MS4A10: variants seen among roughly 807,000 people sequenced by gnomAD.
MS4A10 encodes the protein membrane-spanning 4-domains subfamily A member 10.
MS4A10 carries 27 observed loss-of-function variants against 27.7 expected under a neutral mutation model. The ratio of observed to expected loss-of-function variants is 0.98; its 90% confidence interval spans 0.72 to 1.35. MS4A10 has a LOEUF of 1.35. Ranked by LOEUF, MS4A10 falls within the 40% of genes most tolerant of loss-of-function variation. The probability of loss-of-function intolerance (pLI) is 0.00; values close to 1 mark genes in which losing one functional copy is unlikely to be tolerated. For missense variants in MS4A10, 338 were observed against 324.7 expected (o/e 1.04, Z -0.32); for synonymous variants, 139 against 131.2 (o/e 1.06, Z -0.41).
chr11:60,788,502 C>A (rs1275237533), intron 1 of MS4A10, among the ~76,000 whole-genome samples: 1 of 152,216 alleles, frequency 6.6e-6, no homozygotes, highest in Non-Finnish European at 1.5e-5. Context: ...CTAGGTGAAG[C>A]CAGTGGCTAA....
chr11:60,794,586 G>T (rs556661077), intron 5 of MS4A10, among the ~76,000 whole-genome samples: 1 of 152,320 alleles, frequency 6.6e-6, no homozygotes, highest in South Asian at 2.1e-4. Context: ...CAAGCCTGGT[G>T]CTCTTTTCAC....
At chr11:60,787,215 G>A (rs1036797047) in intron 1 of MS4A10, among the ~76,000 whole-genome samples, 2 of 152,096 alleles carry the variant, frequency 1.3e-5, no homozygotes, top group Non-Finnish European at 2.9e-5. Flanking sequence ...GGCTGAGGGG[G>A]CTGGGGTTGG....
At chr11:60,792,742 C>G (rs183866127) in intron 4 of MS4A10, among the ~76,000 whole-genome samples, 1 of 152,294 alleles carries the variant, frequency 6.6e-6, no homozygotes, top group East Asian at 1.9e-4. Flanking sequence ...GTGGTCCTCC[C>G]TTTTCTGCCC....
intron 6 of MS4A10, among the ~76,000 whole-genome samples, chr11:60,797,590 T>G (rs1252790874): frequency 6.6e-6 from 1 of 152,146 alleles, no homozygotes; most frequent in Non-Finnish European, 1.5e-5. Flanking sequence ...TCTTCTACCT[T>G]TAAGGACCCT....
At chr11:60,794,258 G>A (rs1252742090) in intron 5 of MS4A10, among the ~76,000 whole-genome samples, 155 bp downstream of exon 5, 1 of 152,196 alleles carries the variant, frequency 6.6e-6, no homozygotes, top group Non-Finnish European at 1.5e-5. Context: ...CCTACAAGGT[G>A]TGGTGGAAAG....
rs144089314 is a variant in MS4A10 at position 60,790,390 on chromosome 11, T to C, written c.55T>C (p.Trp19Arg). 293 of 1,614,090 alleles carry C rather than the reference T, an allele frequency of 1.8e-4. No homozygotes were observed. In the African/African-American group the frequency reaches 3.2e-3, roughly 17 times the overall value. Residue 19 changes from tryptophan to arginine, a missense_variant, in exon 2 of 8, where the codon TGG becomes CGG. Physicochemically the swap from Trp to Arg is moderately radical, Grantham distance 101. Coordinates refer to ENST00000308287, the MANE Select transcript of MS4A10 (RefSeq NM_206893.4). The part of the protein sequence containing the change: ...PSRCARGLPS[W>R]QVLSPVQPWQ... ...CCGTTGTGCTAGGGGGCTCCCATCATGGCAAGTCCTCAGCCCAGTCCAGCC... is the reference window on the plus strand; with the variant it reads ...CCGTTGTGCTAGGGGGCTCCCATCACGGCAAGTCCTCAGCCCAGTCCAGCC...
chr11:60,790,218 T>A, intron 1 of MS4A10, 96 bp from the exon 2 acceptor site: 2 of 1,040,222 alleles, frequency 1.9e-6, no homozygotes, highest in Non-Finnish European at 1.4e-6. Flanking sequence ...TCTGGAAAGA[T>A]CTGGTCCCTT....
rs151216077 is a variant in MS4A10 at position 60,799,462 on chromosome 11, A to G, written c.723-366A>G. Reference sequence around the variant, plus strand: ...TTGTAGCAGCAAGATATAGGAAATCAGTATCTTTCCATAAACAGAAGCAAA... The same window carrying G: ...TTGTAGCAGCAAGATATAGGAAATCGGTATCTTTCCATAAACAGAAGCAAA... On this transcript the variant is annotated intron_variant, in intron 7 of 7. Coordinates refer to ENST00000308287, the MANE Select transcript of MS4A10 (RefSeq NM_206893.4). Among the ~76,000 whole-genome samples the G allele has an allele frequency of 5.1e-4, 77 of 152,322 alleles. No homozygotes were observed. The East Asian group carries it at 0.012, about 23-fold the overall frequency.
intron 7 of MS4A10, 67 bp from the exon 8 acceptor site, chr11:60,799,761 G>A: frequency 1.3e-6 from 1 of 782,782 alleles, no homozygotes. Context: ...TAATCTCAAT[G>A]TCATTTAATC....
intron 1 of MS4A10, among the ~76,000 whole-genome samples, chr11:60,787,314 C>T (rs1854356665): frequency 1.3e-5 from 2 of 152,154 alleles, no homozygotes; most frequent in Admixed American, 6.5e-5. Context: ...TCCTAGCAGC[C>T]CTGCACAGGT....
rs186004087 is a variant in MS4A10 at position 60,792,960 on chromosome 11, G to A, written c.360+639G>A. On this transcript the variant is annotated intron_variant, in intron 4 of 7. Coordinates refer to ENST00000308287, the MANE Select transcript of MS4A10 (RefSeq NM_206893.4). ...AATTATTTCTGGGCAGAATGTGCCC[G>A]AGCATAGTGATAGCCCAAGGTGGCC... 6.2e-4 allele frequency among the ~76,000 whole-genome samples: 94 copies of A among 152,290 alleles called. 1 individual carries two copies. In the East Asian group the frequency reaches 9.3e-3, roughly 15 times the overall value.
chr11:60,797,037 G>T (rs1854544480), intron 6 of MS4A10, among the ~76,000 whole-genome samples: 1 of 152,034 alleles, frequency 6.6e-6, no homozygotes, highest in Non-Finnish European at 1.5e-5. Flanking sequence ...TTCACATAAT[G>T]CATATATAAG....
chr11:60,794,238 G>A (rs568731304), intron 5 of MS4A10, 135 bp downstream of exon 5: 1 of 985,602 alleles, frequency 1.0e-6, no homozygotes, highest in Admixed American at 2.4e-5. Context: ...TTGCCAACCT[G>A]TTTCTGTCCC....
rs140246473 is a variant in MS4A10 at position 60,791,010 on chromosome 11, T to C, written c.220T>C (p.Phe74Leu). ...CACCATCGCTCTGCTGCACCTGGTC[T>C]TTGGGGGCTACCTGGCCTCTATAGT... ...HITIALLHLVFGGYLASIVKN... is the reference protein window; with the variant it reads ...HITIALLHLVLGGYLASIVKN... The change falls in exon 3 of 8, where the codon TTT (phenylalanine) becomes CTT (leucine). Residue 74 changes from phenylalanine (F) to leucine (L), a missense_variant. Physicochemically the swap from Phe to Leu is conservative, Grantham distance 22. Coordinates refer to ENST00000308287, the MANE Select transcript of MS4A10 (RefSeq NM_206893.4). The C allele has an allele frequency of 6.2e-7, 1 of 1,614,058 alleles. No homozygotes were observed. Among genetic ancestry groups the C allele is most frequent in the Non-Finnish European group, 8.5e-7 (1 of 1,180,044 alleles).
intron 7 of MS4A10, 80 bp downstream of exon 7, chr11:60,798,594 T>G (rs1854572238): frequency 9.1e-7 from 1 of 1,098,852 alleles, no homozygotes; most frequent in Admixed American, 1.8e-5. Context: ...TAGAAACCAG[T>G]TCCCAGGGGA....
At position 60,787,705 on chromosome 11, in the gene MS4A10, T is replaced by C. The variant is rs566335100; in HGVS notation, c.-23+2284T>C. On this transcript the variant is annotated intron_variant, in intron 1 of 7. Coordinates refer to ENST00000308287, the MANE Select transcript of MS4A10 (RefSeq NM_206893.4). ...CAGAATACCAATTGCATAGAACCGTTAGACAATGAGAAAAAAAAGATCCTA... is the reference window on the plus strand; with the variant it reads ...CAGAATACCAATTGCATAGAACCGTCAGACAATGAGAAAAAAAAGATCCTA... Among the ~76,000 whole-genome samples the C allele has an allele frequency of 9.2e-5, 14 of 152,118 alleles. 1 individual carries two copies. In the East Asian group the frequency reaches 2.5e-3, roughly 27 times the overall value.
At chr11:60,799,805 A>G in intron 7 of MS4A10, 23 bp from the exon 8 acceptor site, 3 of 1,086,662 alleles carry the variant, frequency 2.8e-6, no homozygotes, top group Non-Finnish European at 4.2e-6. Context: ...TGCTGTTGCT[A>G]TTAATATCTC....
intron 1 of MS4A10, among the ~76,000 whole-genome samples, chr11:60,789,969 T>C (rs951168323): frequency 6.6e-6 from 1 of 152,162 alleles, no homozygotes; most frequent in Admixed American, 6.5e-5. Flanking sequence ...GCCCCTCCAT[T>C]GACCTGCACC....
At chr11:60,796,669 C>T (rs998190586) in intron 6 of MS4A10, among the ~76,000 whole-genome samples, 4 of 152,078 alleles carry the variant, frequency 2.6e-5, no homozygotes, top group Admixed American at 1.3e-4. Context: ...CTTCTCAAGG[C>T]GAAGCAGCCA....
Sources: allele counts gnomAD v4.1 joint callset (sites outside exome capture counted in the v4.1 genomes callset), GRCh38; gene constraint gnomAD v4.1.1; transcripts MANE v1.5; gene names NCBI Gene and HGNC (gene_info 2026-07-23, HGNC 2026-07-21).